The following PDLIM5 variants were observed in gnomAD, a reference collection of about 807,000 sequenced individuals.
PDLIM5 encodes PDZ and LIM domain protein 5.
In PDLIM5, 34 loss-of-function variants were observed where a neutral mutation model predicts 64.2. The ratio of observed to expected loss-of-function variants is 0.53; its 90% CI spans 0.40 to 0.71. The LOEUF is 0.71. Ranked by LOEUF, PDLIM5 falls within the 30% of genes least tolerant of loss-of-function variation. The pLI is 0.00. For missense variants in PDLIM5, 683 were observed against 733.6 expected, an observed-to-expected ratio of 0.93 and a Z score of 0.80; for synonymous variants, 253 against 269.1, an observed-to-expected ratio of 0.94 and a Z score of 0.59.
rs777430579 is a variant in PDLIM5, at chr4:94,649,792, C to G, written c.1284-4668C>G. On this transcript the variant is annotated intron_variant, in intron 9 of 12. Coordinates refer to ENST00000317968, the MANE Select transcript of PDLIM5 (RefSeq NM_006457.5). ...CCTGCTTTGCAGATTTTATAATAAT[C>G]TCAAAAAGAATTGACTGTAGTTGTC... Among the ~76,000 whole-genome samples the G allele has an allele frequency of 3.9e-5, 6 of 152,160 alleles. No homozygotes were observed. The South Asian group carries it at 8.3e-4, about 21-fold the overall frequency.
intron 8 of PDLIM5, among the ~76,000 whole-genome samples, chr4:94,626,171 T>C (rs909230259): frequency 1.3e-5 from 2 of 152,166 alleles, no homozygotes; most frequent in African/African-American, 4.8e-5. Flanking sequence ...GTTTTCACCA[T>C]CCCTATTTGA....
chr4:94,592,037 G>A (rs1736710748), intron 7 of PDLIM5, among the ~76,000 whole-genome samples: 1 of 152,174 alleles, frequency 6.6e-6, no homozygotes, highest in Admixed American at 6.5e-5. Flanking sequence ...ATCAGTTAAG[G>A]GAGGACTGAA....
At chr4:94,622,740 G>A (rs113036501) in intron 8 of PDLIM5, among the ~76,000 whole-genome samples, 9,113 of 150,000 alleles carry the variant, frequency 0.061, 382 homozygotes, top group Middle Eastern at 0.13. Context: ...GCACAATCTC[G>A]GCTCACTGCA....
intron 7 of PDLIM5, among the ~76,000 whole-genome samples, chr4:94,612,103 A>G (rs1407690648): frequency 6.6e-6 from 1 of 152,146 alleles, no homozygotes; most frequent in Non-Finnish European, 1.5e-5. Flanking sequence ...CTGTAATCCC[A>G]GCTACTCAGG....
At chr4:94,656,488 C>G (rs138778511) in intron 10 of PDLIM5, among the ~76,000 whole-genome samples, 1 of 151,580 alleles carries the variant, frequency 6.6e-6, no homozygotes, top group Non-Finnish European at 1.5e-5. Flanking sequence ...GCCATCTTAG[C>G]TGATTTCCAA....
At chr4:94,624,300 A>G (rs1288191898) in intron 8 of PDLIM5, among the ~76,000 whole-genome samples, 1 of 152,032 alleles carries the variant, frequency 6.6e-6, no homozygotes. Flanking sequence ...CCTGGGTGAC[A>G]GAGCTAGACC....
intron 3 of PDLIM5, among the ~76,000 whole-genome samples, chr4:94,528,064 A>G (rs944984123): frequency 1.3e-5 from 2 of 152,120 alleles, no homozygotes; most frequent in Non-Finnish European, 1.5e-5. Flanking sequence ...TCCTCCTCAC[A>G]TTGTCCTCTC....
At chr4:94,604,323 T>G (rs1737738432) in intron 7 of PDLIM5, among the ~76,000 whole-genome samples, 1 of 152,102 alleles carries the variant, frequency 6.6e-6, no homozygotes, top group Non-Finnish European at 1.5e-5. Flanking sequence ...CGGGTCAGGC[T>G]TAGGAGGTAT....
chr4:94,662,052 C>T (rs1005182727), intron 11 of PDLIM5, among the ~76,000 whole-genome samples: 1 of 152,086 alleles, frequency 6.6e-6, no homozygotes, highest in Admixed American at 6.6e-5. Context: ...ATCTCTTGAC[C>T]TCGTGATCTG....
At chr4:94,564,291 TAAA>T (rs1287616595) in intron 3 of PDLIM5, among the ~76,000 whole-genome samples, 1 of 152,134 alleles carries the variant, frequency 6.6e-6, no homozygotes, top group Non-Finnish European at 1.5e-5. Flanking sequence ...TCACTCAGAA[TAAA>T]AGACCAATTC....
intron 10 of PDLIM5, among the ~76,000 whole-genome samples, chr4:94,655,691 T>C (rs1742156528): frequency 6.6e-6 from 1 of 152,214 alleles, no homozygotes; most frequent in South Asian, 2.1e-4. Context: ...AATACTGTTT[T>C]AGTGTATCAA....
intron 2 of PDLIM5, among the ~76,000 whole-genome samples, chr4:94,459,780 A>G (rs1723711354): frequency 1.3e-5 from 2 of 152,202 alleles, no homozygotes; most frequent in Non-Finnish European, 2.9e-5. Flanking sequence ...GGAGAAGTTA[A>G]TTGAACTGAT....
At chr4:94,618,997 A>G (rs377349335) in intron 8 of PDLIM5, among the ~76,000 whole-genome samples, 144 of 152,202 alleles carry the variant, frequency 9.5e-4, no homozygotes, top group African/African-American at 3.3e-3. Flanking sequence ...TTAGTTATCG[A>G]TAATTTACAG....
chr4:94,619,191 CTTT>C (rs926131540), intron 8 of PDLIM5, among the ~76,000 whole-genome samples: 1 of 152,102 alleles, frequency 6.6e-6, no homozygotes, highest in Admixed American at 6.5e-5. Flanking sequence ...AATGGTTTTA[CTTT>C]TTATTATTTC....
At chr4:94,552,532 A>C (rs1732899510) in intron 3 of PDLIM5, among the ~76,000 whole-genome samples, 1 of 152,162 alleles carries the variant, frequency 6.6e-6, no homozygotes, top group Non-Finnish European at 1.5e-5. Context: ...TAAAAGCCCC[A>C]AAGAGGCTGC....
intron 2 of PDLIM5, among the ~76,000 whole-genome samples, chr4:94,518,746 G>C (rs897037146): frequency 6.6e-6 from 1 of 151,840 alleles, no homozygotes; most frequent in Non-Finnish European, 1.5e-5. Flanking sequence ...ATATTATTTT[G>C]TGCATATGTA....
rs191436533 is a variant in PDLIM5 at position 94,568,711 on chromosome 4, C to G, written c.249-4640C>G. Among the ~76,000 whole-genome samples the G allele has an allele frequency of 3.7e-3, 560 of 152,068 alleles. 4 individuals carry two copies. The highest frequency in any genetic ancestry group is 0.013 in the African/African-American group (527 of 41,476). ...GCAATAAGTTTTCTCCCTCTGGAAT[C>G]AAATAGAATATTGTGAAATTTTGCA... On this transcript the variant is annotated intron_variant, in intron 3 of 12. Transcript: ENST00000317968.
chr4:94,664,007 C>T lies in PDLIM5; in HGVS notation c.1731C>T (p.Thr577=). 1 of 1,607,396 alleles carries T rather than the reference C, an allele frequency of 6.2e-7. No individual in the cohort carries two copies. The highest frequency in any genetic ancestry group is 8.5e-7 in the Non-Finnish European group (1 of 1,175,492). Residue 577 remains threonine, a synonymous_variant, in exon 13 of 13, where the codon ACC becomes ACT. Coordinates refer to ENST00000317968, the MANE Select transcript of PDLIM5 (RefSeq NM_006457.5). ...SVCCESLEGQ[T]FFSKKDKPLC... Reference sequence around the variant, plus strand: ...GTTGTGAAAGTTTGGAAGGTCAGACCTTTTTCTCCAAGAAGGACAAGCCCC... The same window carrying T: ...GTTGTGAAAGTTTGGAAGGTCAGACTTTTTTCTCCAAGAAGGACAAGCCCC...
chr4:94,540,814 A>G (rs1731743383), intron 3 of PDLIM5, among the ~76,000 whole-genome samples: 2 of 152,138 alleles, frequency 1.3e-5, no homozygotes. Flanking sequence ...ACACAAATAT[A>G]CTCATTCATT....
Sources: gnomAD v4.1 joint callset for allele counts (sites outside exome capture counted in the v4.1 genomes callset) on GRCh38, gnomAD v4.1.1 for gene constraint, MANE v1.5 for transcripts, NCBI Gene and HGNC (gene_info 2026-07-23, HGNC 2026-07-21) for gene names.